NAV3: variants seen among roughly 807,000 people sequenced by gnomAD.
NAV3 encodes the protein neuron navigator 3, also known as pore membrane and/or filament interacting like protein 1.
A neutral mutation model predicts 244.7 loss-of-function variants in NAV3; 87 were observed. That is an observed-to-expected ratio of 0.36 (90% CI 0.30 to 0.42). The LOEUF is 0.42. Among genes scored for constraint, NAV3 ranks in the 20% least tolerant of loss-of-function variants. The pLI is 1.00. For missense variants in NAV3, 2,663 were observed against 2,893.3 expected (o/e 0.92, Z 1.83); for synonymous variants, 1,126 against 1,042.2 (o/e 1.08, Z -1.55).
intron 38 of NAV3, among the ~76,000 whole-genome samples, chr12:78,201,072 CTTTTT>C (rs549973376): frequency 1.1e-5 from 1 of 90,308 alleles, no homozygotes; most frequent in Non-Finnish European, 2.0e-5. Context: ...TCTTCTCCTT[CTTTTT>C]TTTTTTTTTT....
At chr12:77,960,179 G>C (rs953410496) in intron 3 of NAV3, among the ~76,000 whole-genome samples, 10 of 152,078 alleles carry the variant, frequency 6.6e-5, no homozygotes, top group African/African-American at 9.6e-5. Flanking sequence ...GGATGCCATA[G>C]AAGTAAGTCA....
At chr12:78,051,549 A>C (rs1882766219) in intron 11 of NAV3, among the ~76,000 whole-genome samples, 1 of 151,854 alleles carries the variant, frequency 6.6e-6, no homozygotes, top group African/African-American at 2.4e-5. Flanking sequence ...AGAAACAAAT[A>C]TTTTCTTACT....
At chr12:78,075,225 T>G (rs1217711097) in intron 12 of NAV3, among the ~76,000 whole-genome samples, 3 of 152,160 alleles carry the variant, frequency 2.0e-5, no homozygotes, top group African/African-American at 7.2e-5. Flanking sequence ...TTAACATAAT[T>G]AATCATAAAA....
chr12:77,756,518 A>G (rs1869186511), intron 2 of NAV3, among the ~76,000 whole-genome samples: 1 of 152,190 alleles, frequency 6.6e-6, no homozygotes, highest in Non-Finnish European at 1.5e-5. Context: ...CAGTGATGTC[A>G]GTAAGACATG....
intron 2 of NAV3, among the ~76,000 whole-genome samples, chr12:77,662,259 ATCTAT>A: frequency 6.6e-6 from 1 of 151,332 alleles, no homozygotes; most frequent in South Asian, 2.1e-4. Context: ...CTATCTATCT[ATCTAT>A]ATCTCACCTT....
At chr12:77,598,440 T>C (rs141979079) in intron 2 of NAV3, among the ~76,000 whole-genome samples, 5 of 152,138 alleles carry the variant, frequency 3.3e-5, no homozygotes, top group Admixed American at 3.3e-4. Context: ...TTTTTTAGGA[T>C]ACATTAGCGG....
chr12:77,877,664 C>A (rs1882035615), intron 1 of NAV3, among the ~76,000 whole-genome samples: 1 of 151,974 alleles, frequency 6.6e-6, no homozygotes, highest in Admixed American at 6.6e-5. Flanking sequence ...CATAAGAATT[C>A]CAAATAAGTG....
At chr12:78,030,104 T>C (rs1878729951) in intron 9 of NAV3, among the ~76,000 whole-genome samples, 1 of 152,224 alleles carries the variant, frequency 6.6e-6, no homozygotes, top group African/African-American at 2.4e-5. Flanking sequence ...TATCTCATTA[T>C]GTATAGGCAA....
At chr12:77,934,420 G>T (rs1638326493) in intron 1 of NAV3, among the ~76,000 whole-genome samples, 1 of 143,438 alleles carries the variant, frequency 7.0e-6, no homozygotes. Flanking sequence ...AAAAAAGTAT[G>T]CTTTCCTATA....
intron 6 of NAV3, 115 bp downstream of exon 6, chr12:77,994,986 C>T (rs920176110): frequency 3.4e-5 from 23 of 668,192 alleles, no homozygotes; most frequent in Non-Finnish European, 4.9e-5. Context: ...AAGTTTAGAG[C>T]ACTAAATTTT....
At chr12:77,577,269 G>A (rs1405947254) in intron 2 of NAV3, among the ~76,000 whole-genome samples, 1 of 152,054 alleles carries the variant, frequency 6.6e-6, no homozygotes, top group Non-Finnish European at 1.5e-5. Flanking sequence ...ATCCTCTAAG[G>A]ATGAATTAGA....
intron 5 of NAV3, among the ~76,000 whole-genome samples, chr12:77,970,062 A>G (rs1892869525): frequency 6.6e-6 from 1 of 152,194 alleles, no homozygotes; most frequent in Non-Finnish European, 1.5e-5. Flanking sequence ...TCACTTAACA[A>G]CTTTCATACA....
At chr12:78,131,236 T>C (rs929921901) in intron 18 of NAV3, among the ~76,000 whole-genome samples, 4 of 152,194 alleles carry the variant, frequency 2.6e-5, no homozygotes, top group Non-Finnish European at 4.4e-5. Flanking sequence ...TCCCACTATA[T>C]TGAGTAGGGC....
intron 2 of NAV3, among the ~76,000 whole-genome samples, chr12:77,702,499 T>A (rs1324349081): frequency 5.3e-5 from 8 of 152,032 alleles, no homozygotes. Context: ...TAGTTTTGTA[T>A]TTGTCTTGTG....
intron 1 of NAV3, among the ~76,000 whole-genome samples, chr12:77,931,472 T>A (rs1888783272): frequency 6.6e-6 from 1 of 152,166 alleles, no homozygotes; most frequent in Non-Finnish European, 1.5e-5. Flanking sequence ...TTCTGGCTTC[T>A]TTTTATCTGT....
At chr12:78,147,869 A>G (rs1030405273) in intron 21 of NAV3, among the ~76,000 whole-genome samples, 5 of 152,106 alleles carry the variant, frequency 3.3e-5, no homozygotes, top group Non-Finnish European at 5.9e-5. Context: ...AATGAGAAGC[A>G]TCAAAAGTAG....
exon 2 of NAV3, chr12:77,572,015 C>T (rs1195894867): frequency 6.5e-6 from 1 of 153,970 alleles, no homozygotes; most frequent in African/African-American, 2.4e-5. Flanking sequence ...GAGTAAACTG[C>T]AAACTTTATT....
At chr12:77,587,707 G>T (rs1869682344) in intron 2 of NAV3, among the ~76,000 whole-genome samples, 1 of 152,224 alleles carries the variant, frequency 6.6e-6, no homozygotes, top group African/African-American at 2.4e-5. Flanking sequence ...AAGAATGAAA[G>T]ATTAGCATGC....
chr12:77,829,022 A>G (rs535699991), upstream of NAV3, among the ~76,000 whole-genome samples: 3 of 152,352 alleles, frequency 2.0e-5, no homozygotes, highest in East Asian at 3.9e-4. Flanking sequence ...TTGGGTGGGC[A>G]AAGAAGCCCT....
Sources: allele counts gnomAD v4.1 joint callset (sites outside exome capture counted in the v4.1 genomes callset), GRCh38; gene constraint gnomAD v4.1.1; transcripts MANE v1.5; gene names NCBI Gene and HGNC (gene_info 2026-07-23, HGNC 2026-07-21).